The following PRTG variants were observed in gnomAD, a reference collection of about 807,000 sequenced individuals.
PRTG encodes the protein protogenin.
A neutral mutation model predicts 122.5 loss-of-function variants in PRTG; 67 were observed. The observed-to-expected ratio is 0.55, with a 90% CI of 0.45 to 0.67. The LOEUF (loss-of-function observed/expected upper bound fraction) is 0.67. Ranked by LOEUF, PRTG falls within the 30% of genes least tolerant of loss-of-function variation. The probability of loss-of-function intolerance (pLI) is 0.00; values close to 1 mark genes in which losing one functional copy is unlikely to be tolerated. For missense variants in PRTG, 1,435 were observed against 1,415.4 expected (o/e 1.01, Z -0.22); for synonymous variants, 554 against 501.1 (o/e 1.11, Z -1.41).
intron 2 of PRTG, among the ~76,000 whole-genome samples, chr15:55,712,740 T>C (rs2030439921): frequency 6.6e-6 from 1 of 152,228 alleles, no homozygotes; most frequent in East Asian, 1.9e-4. Context: ...CACAACTTCA[T>C]GCAAATTCGT....
Position 55,728,746 on chromosome 15 carries a change from G to A in PRTG, c.397+11636C>T, listed in dbSNP as rs534230452. 6.3e-5 allele frequency among the ~76,000 whole-genome samples: 8 copies of A among 126,776 alleles called. No homozygotes were observed. The South Asian group carries it at 2.4e-3, about 38-fold the overall frequency. 83.2% of individuals were successfully genotyped at this position (126,776 alleles called of 152,430 possible). A position where few individuals can be genotyped will look rare whatever the true frequency, so the allele number is the denominator to read the frequency against. ...ATTTAACATTGTACTAAAAATTCTA[G>A]ACAGAGCAATTAGTCTAAAAAAAAA... On this transcript the variant is annotated intron_variant, in intron 2 of 19. Transcript: ENST00000389286.
rs1275330759 is a variant in PRTG at position 55,673,382 on chromosome 15, G to A, written c.1841C>T (p.Thr614Ile). The change falls in exon 10 of 20, where the codon ACA (threonine) becomes ATA (isoleucine). Residue 614 changes from threonine (T) to isoleucine (I), a missense_variant. Physicochemically the swap from Thr to Ile is moderately conservative, Grantham distance 89. Coordinates refer to ENST00000389286, the MANE Select transcript of PRTG (RefSeq NM_173814.6). ...VWTSHRTPKA[T>I]SVKAPKSPEL... is the part of the protein sequence containing the mutation. Reference sequence around the variant, plus strand: ...CTTCAGAAATTCACCTTTCACGCTTGTAGCTTTGGGCGTCCTATGTGAAGT... The same window carrying A: ...CTTCAGAAATTCACCTTTCACGCTTATAGCTTTGGGCGTCCTATGTGAAGT... 2 of 1,611,464 alleles carry A rather than the reference G, an allele frequency of 1.2e-6. No homozygotes were observed. The highest frequency in any genetic ancestry group is 1.7e-6 in the Non-Finnish European group (2 of 1,177,770).
intron 11 of PRTG, among the ~76,000 whole-genome samples, chr15:55,667,914 C>A (rs998844680): frequency 6.6e-6 from 1 of 152,016 alleles, no homozygotes; most frequent in East Asian, 1.9e-4. Context: ...AATGAAACCC[C>A]GTCTCTACCA....
At chr15:55,651,763 T>C (rs2059354237) in intron 11 of PRTG, among the ~76,000 whole-genome samples, 1 of 152,124 alleles carries the variant, frequency 6.6e-6, no homozygotes, top group South Asian at 2.1e-4. Context: ...AAGAGCCAGG[T>C]CAGAGCAAGC....
intron 11 of PRTG, among the ~76,000 whole-genome samples, chr15:55,668,923 T>A (rs942817756): frequency 6.6e-6 from 1 of 152,334 alleles, no homozygotes; most frequent in Admixed American, 6.5e-5. Flanking sequence ...TTTGTGCAGA[T>A]ATTGGAAAAA....
chr15:55,625,707 T>TC (rs368001965), intron 17 of PRTG, among the ~76,000 whole-genome samples: 56,551 of 150,404 alleles, frequency 0.38, 12,102 homozygotes, highest in Non-Finnish European at 0.49. Flanking sequence ...CACTGCAAGC[T>TC]CCCCCTCCCG....
At chr15:55,736,731 C>T (rs1197343393) in intron 2 of PRTG, among the ~76,000 whole-genome samples, 1 of 152,068 alleles carries the variant, frequency 6.6e-6, no homozygotes, top group Non-Finnish European at 1.5e-5. Context: ...TACAAAGGGT[C>T]ACATAAAAAA....
At chr15:55,681,344 T>A (rs2059536875) in intron 4 of PRTG, 1 of 152,112 alleles carries the variant, frequency 6.6e-6, no homozygotes, top group Non-Finnish European at 1.5e-5. Context: ...GAAACCAGTA[T>A]CTCTTGTGAA....
rs2031669962 is a variant in PRTG at position 55,743,013 on chromosome 15, C to T, written c.-82G>A. 19 of 1,352,350 alleles carry T rather than the reference C, an allele frequency of 1.4e-5. No homozygotes were observed. The highest frequency in any genetic ancestry group is 1.6e-5 in the Non-Finnish European group (17 of 1,056,106). 83.8% of individuals were successfully genotyped at this position (1,352,350 alleles called of 1,614,324 possible). A position where few individuals can be genotyped will look rare whatever the true frequency, so the allele number is the denominator to read the frequency against. ...GCCCCCGCCCCGGGCGCTCTCTGCT[C>T]TGCGGCTGGTCGCACGCAGCCTGGC... On this transcript the variant is annotated 5_prime_UTR_variant, in exon 1 of 20. Transcript: ENST00000389286.
chr15:55,639,583 T>C (rs1198768059), intron 13 of PRTG, 59 bp downstream of exon 13: 1 of 1,455,962 alleles, frequency 6.9e-7, no homozygotes, highest in East Asian at 2.3e-5. Context: ...GAGGTAGAAG[T>C]TGGAGTGGGG....
At chr15:55,679,761 A>T in intron 6 of PRTG, 1 of 428,182 alleles carries the variant, frequency 2.3e-6, no homozygotes, top group Non-Finnish European at 4.1e-6. Flanking sequence ...AAGAGATTAA[A>T]TTTTTAAATT....
intron 2 of PRTG, among the ~76,000 whole-genome samples, chr15:55,693,821 C>G (rs1475013416): frequency 6.6e-6 from 1 of 152,140 alleles, no homozygotes; most frequent in African/African-American, 2.4e-5. Context: ...GTTGTGCAGG[C>G]TCGGGAATAG....
At chr15:55,720,476 A>T (rs181581522) in intron 2 of PRTG, among the ~76,000 whole-genome samples, 5 of 152,194 alleles carry the variant, frequency 3.3e-5, no homozygotes, top group Admixed American at 2.6e-4. Context: ...TTCACATCCT[A>T]TTGGAATTCT....
In PRTG at chr15:55,642,953, G is replaced by C. The variant is rs1595614347; in HGVS notation, c.2042-1745C>G. 2.6e-5 allele frequency among the ~76,000 whole-genome samples: 4 copies of C among 152,148 alleles called. No individual in the cohort carries two copies. The South Asian group carries it at 8.3e-4, about 32-fold the overall frequency. On this transcript the variant is annotated intron_variant, in intron 11 of 19. Coordinates refer to ENST00000389286, the MANE Select transcript of PRTG (RefSeq NM_173814.6). ...GCTTGGTGTGGTGGTGCATGCCATA[G>C]TCCCAGCTGCTCAGGAGGCTAAAGC...
intron 11 of PRTG, among the ~76,000 whole-genome samples, chr15:55,657,711 A>G (rs1416260313): frequency 1.1e-4 from 17 of 152,186 alleles, no homozygotes; most frequent in Admixed American, 1.1e-3. Context: ...TTGTAACTCA[A>G]CTTATAGGCC....
At chr15:55,631,833 T>C (rs1227047685) in intron 15 of PRTG, among the ~76,000 whole-genome samples, 2 of 152,212 alleles carry the variant, frequency 1.3e-5, no homozygotes, top group Non-Finnish European at 2.9e-5. Context: ...AAATAAACTA[T>C]TATTGGCAAG....
Position 55,682,497 on chromosome 15 carries a change from C to A in PRTG, c.543G>T (p.Arg181Ser). ...ATACTCCTGTTGGTAGGGCAGTTAT[C>A]CTGTTATGAGAGAAAGATAATTAAA... The part of the protein sequence containing the change: ...NRTTLPMTMD[R>S]ITALPTGVLQ... The change falls in exon 4 of 20, where the codon AGG becomes AGT. Residue 181 changes from arginine (R) to serine (S), a missense_variant and splice_region_variant. Arg to Ser is a moderately radical substitution (Grantham distance 110). Transcript: ENST00000389286. 6.7e-7 allele frequency: 1 copy of A among 1,498,022 alleles called. No individual in the cohort carries two copies. Among genetic ancestry groups the A allele is most frequent in the African/African-American group, 1.4e-5 (1 of 71,220 alleles). The allele number at this position is 1,498,022 out of a possible 1,614,324, so 92.8% of individuals were successfully genotyped here. A position where few individuals can be genotyped will look rare whatever the true frequency, so the allele number is the denominator to read the frequency against.
intron 2 of PRTG, among the ~76,000 whole-genome samples, chr15:55,720,958 T>C (rs2030798414): frequency 6.6e-6 from 1 of 152,076 alleles, no homozygotes; most frequent in Admixed American, 6.5e-5. Flanking sequence ...TGCTGGATGG[T>C]CCACCTAGAC....
chr15:55,683,115 T>C (rs1184448532), intron 3 of PRTG, among the ~76,000 whole-genome samples: 3 of 152,176 alleles, frequency 2.0e-5, no homozygotes, highest in Non-Finnish European at 4.4e-5. Flanking sequence ...GAGTTTAGTA[T>C]AATTTTTTTC....
Sources: gnomAD v4.1 joint callset for allele counts (sites outside exome capture counted in the v4.1 genomes callset) on GRCh38, gnomAD v4.1.1 for gene constraint, MANE v1.5 for transcripts, NCBI Gene and HGNC (gene_info 2026-07-23, HGNC 2026-07-21) for gene names.